The following MYOF variants were observed in gnomAD, a reference collection of about 807,000 sequenced individuals.
The protein encoded by MYOF is fer-1-like 3, myoferlin.
A neutral mutation model predicts 284.2 loss-of-function variants in MYOF; 244 were observed. That is an observed-to-expected ratio of 0.86 (90% CI 0.77 to 0.95). The LOEUF is 0.95. Among genes scored for constraint, MYOF ranks in the 40% least tolerant of loss-of-function variants. MYOF has a pLI of 0.00. For synonymous variants in MYOF, 904 were observed against 919.7 expected, an observed-to-expected ratio of 0.98 and a Z score of 0.31; for missense variants, 2,496 against 2,560.6, an observed-to-expected ratio of 0.97 and a Z score of 0.54.
chr10:93,335,610 A>G (rs182926746), intron 41 of MYOF, among the ~76,000 whole-genome samples: 1,406 of 137,938 alleles, frequency 0.01, 10 homozygotes, highest in Non-Finnish European at 0.018. Context: ...AGGCAGGAAG[A>G]GATGCGGAGA....
At position 93,370,314 on chromosome 10, in the gene MYOF, A is replaced by ATTTTTTTTTTTTTTTTTTTTT. The variant is rs916555324; in HGVS notation, c.2458-559_2458-539dup. Among the ~76,000 whole-genome samples, 12 of 122,426 alleles carry ATTTTTTTTTTTTTTTTTTTTT rather than the reference A, an allele frequency of 9.8e-5. 2 individuals carry two copies. Among genetic ancestry groups the ATTTTTTTTTTTTTTTTTTTTT allele is most frequent in the African/African-American group, 3.9e-4 (11 of 28,276 alleles). The allele number at this position is 122,426 out of a possible 152,430, so 80.3% of individuals were successfully genotyped here. A position where few individuals can be genotyped will look rare whatever the true frequency, so the allele number is the denominator to read the frequency against. The stretch of plus-strand genomic sequence containing the variant: ...GTTGATCAAGCAGTAATGATTACTA[A>ATTTTTTTTTTTTTTTTTTTTT]TTTTTTTTTTTTTTTTTTTTTGAGA... On this transcript the variant is annotated intron_variant, in intron 24 of 53. Transcript: ENST00000359263.
intron 5 of MYOF, among the ~76,000 whole-genome samples, chr10:93,413,275 C>T (rs1265154235): frequency 6.6e-6 from 1 of 152,208 alleles, no homozygotes; most frequent in Non-Finnish European, 1.5e-5. Flanking sequence ...TCAGAGGAAA[C>T]CAGCCTAAGC....
At chr10:93,410,539 C>T (rs1431494371) in intron 5 of MYOF, among the ~76,000 whole-genome samples, 1 of 152,136 alleles carries the variant, frequency 6.6e-6, no homozygotes, top group Non-Finnish European at 1.5e-5. Context: ...AGCTTTTCCT[C>T]TGCCTTCAAG....
chr10:93,361,043 G>A (rs1307450280), intron 28 of MYOF, among the ~76,000 whole-genome samples: 1 of 152,142 alleles, frequency 6.6e-6, no homozygotes, highest in African/African-American at 2.4e-5. Flanking sequence ...ACAGACCAGC[G>A]GTCCCCAACC....
chr10:93,421,159 A>G (rs971497842), intron 5 of MYOF, among the ~76,000 whole-genome samples: 2 of 152,140 alleles, frequency 1.3e-5, no homozygotes, highest in Admixed American at 6.6e-5. Flanking sequence ...GGAGGTTGCA[A>G]TGAGCCAAGA....
At chr10:93,394,534 C>T (rs1345780845) in intron 16 of MYOF, among the ~76,000 whole-genome samples, 1 of 136,492 alleles carries the variant, frequency 7.3e-6, no homozygotes, top group Non-Finnish European at 1.5e-5. Context: ...GATCTCGGCT[C>T]ACTGCAAGCT....
intron 17 of MYOF, among the ~76,000 whole-genome samples, chr10:93,389,642 TA>T (rs1846577880): frequency 6.6e-6 from 1 of 152,230 alleles, no homozygotes; most frequent in Non-Finnish European, 1.5e-5. Context: ...TTATATGTAA[TA>T]ATAAACTGCC....
intron 5 of MYOF, among the ~76,000 whole-genome samples, chr10:93,416,261 G>A (rs1161959990): frequency 3.3e-5 from 5 of 152,176 alleles, no homozygotes; most frequent in Admixed American, 3.3e-4. Flanking sequence ...GCTCATGCCT[G>A]TAATCCCCAC....
At chr10:93,478,443 G>A (rs4917796) in intron 1 of MYOF, 122,638 of 157,814 alleles carry the variant, frequency 0.78, 48,122 homozygotes, top group South Asian at 0.84. Flanking sequence ...CTGCGCTGCT[G>A]AACATCACCA....
intron 31 of MYOF, among the ~76,000 whole-genome samples, chr10:93,354,465 T>C (rs899864496): frequency 6.6e-6 from 1 of 152,122 alleles, no homozygotes; most frequent in African/African-American, 2.4e-5. Flanking sequence ...TGTTATAAAC[T>C]AACTGAATTT....
At chr10:93,455,131 A>T (rs2056709531) in intron 2 of MYOF, among the ~76,000 whole-genome samples, 1 of 151,720 alleles carries the variant, frequency 6.6e-6, no homozygotes, top group African/African-American at 2.4e-5. Context: ...CTCTACTAAA[A>T]ATACAAAATT....
Position 93,310,614 on chromosome 10 carries a change from G to A in MYOF, c.5919C>T (p.Leu1973=). Reference sequence around the variant, plus strand: ...GCCTCTCGTCGGCCTCCTTCTCGTTGAGGATTTCCAATGTCATCTCCACTT... The same window carrying A: ...GCCTCTCGTCGGCCTCCTTCTCGTTAAGGATTTCCAATGTCATCTCCACTT... ...AGKVEMTLEI[L]NEKEADERPA... The change falls in exon 52 of 54, where the codon CTC becomes CTT. Residue 1973 remains leucine (L), a synonymous_variant. Coordinates refer to ENST00000359263, the MANE Select transcript of MYOF (RefSeq NM_013451.4). 6.2e-7 allele frequency: 1 copy of A among 1,614,216 alleles called. No homozygotes were observed. Among genetic ancestry groups the A allele is most frequent in the South Asian group, 1.1e-5 (1 of 91,086 alleles).
chr10:93,380,914 C>T (rs908853215), intron 20 of MYOF, among the ~76,000 whole-genome samples: 20 of 152,182 alleles, frequency 1.3e-4, no homozygotes, highest in African/African-American at 3.9e-4. Flanking sequence ...AGCTGCTTTG[C>T]GGAGCTCAGA....
chr10:93,458,970 G>A (rs985945921), intron 1 of MYOF, among the ~76,000 whole-genome samples: 1 of 152,220 alleles, frequency 6.6e-6, no homozygotes, highest in Non-Finnish European at 1.5e-5. Flanking sequence ...GCATAGCAAG[G>A]CCGTGAGTCA....
intron 1 of MYOF, among the ~76,000 whole-genome samples, chr10:93,467,382 G>A (rs2057034548): frequency 8.2e-6 from 1 of 121,664 alleles, no homozygotes; most frequent in Non-Finnish European, 1.7e-5. Context: ...TGTTCTCATT[G>A]TTCAGTTCCC....
At chr10:93,397,753 A>C (rs371679641) in intron 13 of MYOF, among the ~76,000 whole-genome samples, 14 of 152,044 alleles carry the variant, frequency 9.2e-5, no homozygotes, top group Middle Eastern at 3.4e-3. Context: ...CATTTGTTAC[A>C]TACCGTTTGG....
At chr10:93,390,119 A>C (rs535077551) in intron 17 of MYOF, among the ~76,000 whole-genome samples, 1 of 152,388 alleles carries the variant, frequency 6.6e-6, no homozygotes, top group South Asian at 2.1e-4. Context: ...GAGGTTGACC[A>C]GATCATATCT....
chr10:93,452,320 C>T (rs1417773949), intron 2 of MYOF, among the ~76,000 whole-genome samples, 179 bp from the exon 3 acceptor site: 1 of 152,014 alleles, frequency 6.6e-6, no homozygotes, highest in Non-Finnish European at 1.5e-5. Context: ...GGCAGGAAAG[C>T]AAACCAGATG....
intron 24 of MYOF, among the ~76,000 whole-genome samples, chr10:93,370,876 T>A (rs1253638740): frequency 1.3e-5 from 2 of 151,930 alleles, no homozygotes; most frequent in Non-Finnish European, 2.9e-5. Context: ...ATTTTTTTTT[T>A]AAACATAAAC....
Sources: allele counts gnomAD v4.1 joint callset (sites outside exome capture counted in the v4.1 genomes callset), GRCh38; gene constraint gnomAD v4.1.1; transcripts MANE v1.5; gene names NCBI Gene and HGNC (gene_info 2026-07-23, HGNC 2026-07-21).